Variants in NLGN1 observed in about 807,000 individuals in gnomAD.
NLGN1 encodes neuroligin 1, also known as neuroligin-1.
Under a neutral mutation model 65.5 loss-of-function variants are expected in NLGN1, and 12 were observed. The ratio of observed to expected loss-of-function variants is 0.18; its 90% CI spans 0.12 to 0.30. NLGN1 has a LOEUF of 0.30. NLGN1 is among the 10% of genes least tolerant of loss of function. The pLI, the probability that NLGN1 is intolerant of heterozygous loss-of-function variation, is 1.00. For synonymous variants in NLGN1, 350 were observed against 359.5 expected, an observed-to-expected ratio of 0.97 and a Z score of 0.30; for missense variants, 750 against 1,007.1, an observed-to-expected ratio of 0.74 and a Z score of 3.46.
intron 3 of NLGN1, among the ~76,000 whole-genome samples, chr3:173,767,130 TC>T (rs1778895729): frequency 6.6e-6 from 1 of 152,096 alleles, no homozygotes; most frequent in African/African-American, 2.4e-5. Flanking sequence ...AAATTAATAA[TC>T]TGGAAAAACA....
intron 4 of NLGN1, among the ~76,000 whole-genome samples, chr3:173,820,814 T>C (rs779889127): frequency 1.3e-5 from 2 of 152,192 alleles, no homozygotes; most frequent in Non-Finnish European, 2.9e-5. Flanking sequence ...TGCAGAAGGA[T>C]AACTATTCAC....
intron 4 of NLGN1, among the ~76,000 whole-genome samples, chr3:174,171,347 A>G (rs1023134005): frequency 2.6e-5 from 4 of 152,170 alleles, no homozygotes; most frequent in Non-Finnish European, 4.4e-5. Context: ...AAATAGCATC[A>G]CGAACAAAAT....
chr3:174,127,819 A>G (rs1221497290), intron 4 of NLGN1, among the ~76,000 whole-genome samples: 1 of 152,204 alleles, frequency 6.6e-6, no homozygotes, highest in Non-Finnish European at 1.5e-5. Context: ...CACTGAAAGT[A>G]TATTCCAGGC....
intron 3 of NLGN1, among the ~76,000 whole-genome samples, chr3:173,606,978 C>G (rs1751498551): frequency 1.3e-5 from 2 of 151,860 alleles, no homozygotes; most frequent in Non-Finnish European, 2.9e-5. Context: ...AGCTAAGTGA[C>G]TTTCGCCTCC....
chr3:173,788,383 A>G (rs1428947966), intron 3 of NLGN1, among the ~76,000 whole-genome samples: 2 of 152,062 alleles, frequency 1.3e-5, no homozygotes, highest in Non-Finnish European at 2.9e-5. Context: ...TTCTACTGCA[A>G]CTGTTCCACT....
intron 4 of NLGN1, among the ~76,000 whole-genome samples, chr3:174,044,683 A>G (rs1340169267): frequency 6.6e-6 from 1 of 152,096 alleles, no homozygotes; most frequent in Non-Finnish European, 1.5e-5. Context: ...AAACTTTCCC[A>G]TATCATCCTG....
At chr3:174,274,935 G>A (rs1386033473) in intron 4 of NLGN1, among the ~76,000 whole-genome samples, 1 of 151,798 alleles carries the variant, frequency 6.6e-6, no homozygotes, top group African/African-American at 2.4e-5. Flanking sequence ...GCAACTTGAG[G>A]ACAGACATGG....
intron 4 of NLGN1, among the ~76,000 whole-genome samples, chr3:173,885,842 G>A (rs1226860063): frequency 6.6e-6 from 1 of 152,010 alleles, no homozygotes; most frequent in Non-Finnish European, 1.5e-5. Context: ...TTACTTAATG[G>A]ATTCATAAAT....
chr3:174,214,629 T>G (rs546256107), intron 4 of NLGN1, among the ~76,000 whole-genome samples: 13 of 152,220 alleles, frequency 8.5e-5, no homozygotes, highest in Non-Finnish European at 1.8e-4. Context: ...CTTTGTTTGT[T>G]TGTTTTTAAC....
chr3:173,438,836 A>G (rs1269873349), intron 2 of NLGN1, among the ~76,000 whole-genome samples: 2 of 152,156 alleles, frequency 1.3e-5, no homozygotes, highest in African/African-American at 2.4e-5. Context: ...AGAAGAGGGA[A>G]CAGTGTTATA....
chr3:173,670,064 T>A (rs2149729820), intron 3 of NLGN1, among the ~76,000 whole-genome samples: 1 of 152,306 alleles, frequency 6.6e-6, no homozygotes, highest in East Asian at 1.9e-4. Context: ...CAAAATTATC[T>A]TTAAGCTGAT....
At chr3:173,806,681 G>C (rs989091842) in intron 3 of NLGN1, among the ~76,000 whole-genome samples, 1 of 151,894 alleles carries the variant, frequency 6.6e-6, no homozygotes, top group Non-Finnish European at 1.5e-5. Flanking sequence ...ACACAGTTAG[G>C]CTTATCTACA....
intron 3 of NLGN1, among the ~76,000 whole-genome samples, chr3:173,644,018 C>T (rs934892057): frequency 2.0e-5 from 3 of 152,178 alleles, no homozygotes; most frequent in African/African-American, 7.2e-5. Context: ...GGGGCTGGTG[C>T]TTACCTACTG....
chr3:173,466,369 A>T (rs1398426277), intron 2 of NLGN1, among the ~76,000 whole-genome samples: 2 of 152,162 alleles, frequency 1.3e-5, no homozygotes, highest in Admixed American at 6.6e-5. Flanking sequence ...ATAAAAATAA[A>T]AAATAAAAAG....
intron 3 of NLGN1, among the ~76,000 whole-genome samples, chr3:173,741,954 G>A (rs1318119380): frequency 6.6e-6 from 1 of 152,084 alleles, no homozygotes; most frequent in Admixed American, 6.6e-5. Context: ...TTGGAAGCTG[G>A]CCTTCCCACC....
At chr3:174,267,682 A>G (rs544836827) in intron 4 of NLGN1, among the ~76,000 whole-genome samples, 10 of 152,134 alleles carry the variant, frequency 6.6e-5, no homozygotes, top group Admixed American at 1.3e-4. Context: ...TTCCCTCAAG[A>G]TTGGCTGCTG....
chr3:173,989,336 A>C (rs1034710673), intron 4 of NLGN1, among the ~76,000 whole-genome samples: 6 of 152,320 alleles, frequency 3.9e-5, no homozygotes, highest in African/African-American at 1.4e-4. Flanking sequence ...CTTGTCCACT[A>C]TAAAGATAAC....
At chr3:173,793,872 T>C (rs1713369257) in intron 3 of NLGN1, among the ~76,000 whole-genome samples, 1 of 152,150 alleles carries the variant, frequency 6.6e-6, no homozygotes, top group South Asian at 2.1e-4. Context: ...TTTATCAGTG[T>C]GTGCTTAAAC....
At chr3:174,270,186 T>C (rs202139285) in intron 4 of NLGN1, among the ~76,000 whole-genome samples, 1 of 16,696 alleles carries the variant, frequency 6.0e-5, no homozygotes, top group Admixed American at 4.2e-4. Flanking sequence ...ATTTGTTTAT[T>C]TTTTTTTTTT....
Sources: allele counts gnomAD v4.1 joint callset (sites outside exome capture counted in the v4.1 genomes callset), GRCh38; gene constraint gnomAD v4.1.1; transcripts MANE v1.5; gene names NCBI Gene and HGNC (gene_info 2026-07-23, HGNC 2026-07-21).